Variants in CTNNA3 observed in about 807,000 individuals in gnomAD.
CTNNA3 encodes catenin alpha 3.
CTNNA3 carries 76 observed loss-of-function variants against 95.7 expected under a neutral mutation model. The observed-to-expected ratio is 0.79, with a 90% CI of 0.66 to 0.96. The LOEUF (loss-of-function observed/expected upper bound fraction) is 0.96, where lower values mean the gene tolerates loss of function less well. CTNNA3 is among the 40% of genes least tolerant of loss of function. The pLI is 0.00. For missense variants in CTNNA3, 1,191 were observed against 1,089.8 expected (o/e 1.09, Z -1.31); for synonymous variants, 431 against 374.4 (o/e 1.15, Z -1.74).
At chr10:66,064,791 A>G (rs578137463) in intron 15 of CTNNA3, among the ~76,000 whole-genome samples, 1 of 152,324 alleles carries the variant, frequency 6.6e-6, no homozygotes, top group Non-Finnish European at 1.5e-5. Context: ...CAAGACTTTC[A>G]CAAAGTAAGC....
chr10:67,478,968 T>C (rs1441865493), intron 5 of CTNNA3, among the ~76,000 whole-genome samples: 2 of 152,032 alleles, frequency 1.3e-5, no homozygotes, highest in East Asian at 3.9e-4. Flanking sequence ...GGAGTTGGTA[T>C]TCTTTTATCA....
At chr10:66,104,080 A>G (rs1275541817) in intron 13 of CTNNA3, among the ~76,000 whole-genome samples, 1 of 152,214 alleles carries the variant, frequency 6.6e-6, no homozygotes, top group African/African-American at 2.4e-5. Context: ...TCAAGAAATT[A>G]AAATTTTAGG....
chr10:67,710,736 G>A (rs74739793), intron 1 of CTNNA3, among the ~76,000 whole-genome samples: 1 of 152,104 alleles, frequency 6.6e-6, no homozygotes, highest in Admixed American at 6.5e-5. Flanking sequence ...CCTCTTTGTG[G>A]AAAGTCTGGT....
At chr10:65,974,964 A>C (rs1330621682) in intron 16 of CTNNA3, among the ~76,000 whole-genome samples, 1 of 152,196 alleles carries the variant, frequency 6.6e-6, no homozygotes, top group Non-Finnish European at 1.5e-5. Flanking sequence ...TAGGATGAAC[A>C]ACCAGAAAAC....
rs145263453 is a variant in CTNNA3 at position 66,048,722 on chromosome 10, C to T, written c.2159+20586G>A. 1.1e-3 allele frequency among the ~76,000 whole-genome samples: 163 copies of T among 152,246 alleles called. 1 individual carries two copies. The East Asian group carries it at 0.03, about 28-fold the overall frequency. The stretch of plus-strand genomic sequence containing the variant: ...CTTGCAGTGAGCCAAGATCGTGCCA[C>T]TGCACTCCAGTCTGGGCGGCAGAGC... On this transcript the variant is annotated intron_variant, in intron 15 of 17. Transcript: ENST00000433211.
chr10:66,487,222 G>A (rs1381231365), intron 11 of CTNNA3, among the ~76,000 whole-genome samples: 1 of 75,622 alleles, frequency 1.3e-5, no homozygotes, highest in Admixed American at 2.1e-4. Flanking sequence ...TTTTTTTTGA[G>A]ACGGAATCTC....
At chr10:67,076,807 T>C (rs989875037) in intron 7 of CTNNA3, among the ~76,000 whole-genome samples, 2 of 152,106 alleles carry the variant, frequency 1.3e-5, no homozygotes, top group Non-Finnish European at 2.9e-5. Context: ...TTTAGAAAAA[T>C]GCTCTACTGA....
intron 9 of CTNNA3, among the ~76,000 whole-genome samples, chr10:66,729,830 C>A (rs1564644411): frequency 6.6e-6 from 1 of 152,068 alleles, no homozygotes; most frequent in Admixed American, 6.6e-5. Context: ...ATAGGCCAGG[C>A]GTGGTGGCTC....
intron 14 of CTNNA3, among the ~76,000 whole-genome samples, chr10:66,096,311 C>T (rs2081383331): frequency 6.6e-6 from 1 of 152,006 alleles, no homozygotes; most frequent in African/African-American, 2.4e-5. Flanking sequence ...TCAAGTTGTA[C>T]AGGCGGAGGA....
intron 11 of CTNNA3, among the ~76,000 whole-genome samples, chr10:66,437,942 T>C (rs1246485403): frequency 6.6e-6 from 1 of 152,200 alleles, no homozygotes; most frequent in Admixed American, 6.5e-5. Context: ...GTTTTCCTTC[T>C]AACAGTCAGG....
rs57655171 is a variant in CTNNA3, at chr10:67,266,465, G to T, written c.580-46595C>A. 9.3e-3 allele frequency among the ~76,000 whole-genome samples: 1,412 copies of T among 152,060 alleles called. 25 individuals carry two copies. The highest frequency in any genetic ancestry group is 0.032 in the African/African-American group (1,343 of 41,466). On this transcript the variant is annotated intron_variant, in intron 5 of 17. Transcript: ENST00000433211. ...TGGCATTTTTCCCCCTCTGGCACAA[G>T]ACTGGCAATATTCTAGATAGCAGTT...
intron 5 of CTNNA3, among the ~76,000 whole-genome samples, chr10:67,390,583 C>G (rs1747826354): frequency 1.3e-5 from 2 of 151,164 alleles, no homozygotes; most frequent in Non-Finnish European, 3.0e-5. Flanking sequence ...GATACCAAAG[C>G]CTGGCAGAGA....
intron 9 of CTNNA3, among the ~76,000 whole-genome samples, chr10:66,732,054 C>T (rs942016644): frequency 6.6e-6 from 1 of 152,208 alleles, no homozygotes; most frequent in African/African-American, 2.4e-5. Context: ...AAGTTCATAA[C>T]AGCTGTTTGT....
At chr10:67,338,793 G>T (rs911437401) in intron 5 of CTNNA3, among the ~76,000 whole-genome samples, 1 of 152,120 alleles carries the variant, frequency 6.6e-6, no homozygotes, top group Non-Finnish European at 1.5e-5. Flanking sequence ...TGCCAATCTT[G>T]CTGTAGCCAC....
At chr10:67,117,429 C>G (rs1244172943) in intron 7 of CTNNA3, among the ~76,000 whole-genome samples, 1 of 151,978 alleles carries the variant, frequency 6.6e-6, no homozygotes, top group Non-Finnish European at 1.5e-5. Flanking sequence ...AATAAAATAG[C>G]ATTGAGGAGT....
intron 9 of CTNNA3, among the ~76,000 whole-genome samples, chr10:66,638,812 C>G (rs1845421819): frequency 6.6e-6 from 1 of 151,930 alleles, no homozygotes; most frequent in Non-Finnish European, 1.5e-5. Context: ...ATTCGTTATT[C>G]TTGTCACATA....
chr10:66,736,465 T>A (rs1295640346), intron 9 of CTNNA3, among the ~76,000 whole-genome samples: 3 of 151,890 alleles, frequency 2.0e-5, no homozygotes, highest in African/African-American at 7.3e-5. Context: ...TGTGCTGAGA[T>A]TACAGGAGTG....
intron 12 of CTNNA3, among the ~76,000 whole-genome samples, chr10:66,376,217 A>T (rs1045555464): frequency 1.3e-5 from 2 of 152,222 alleles, no homozygotes; most frequent in African/African-American, 4.8e-5. Context: ...TATAATTTGT[A>T]AGCCTTCACA....
intron 7 of CTNNA3, among the ~76,000 whole-genome samples, chr10:67,126,260 G>T (rs544498478): frequency 6.6e-6 from 1 of 152,332 alleles, no homozygotes; most frequent in Non-Finnish European, 1.5e-5. Flanking sequence ...CAGGCGTGGT[G>T]GCTCACGCCT....
Sources: gnomAD v4.1 joint callset for allele counts (sites outside exome capture counted in the v4.1 genomes callset) on GRCh38, gnomAD v4.1.1 for gene constraint, MANE v1.5 for transcripts, NCBI Gene and HGNC (gene_info 2026-07-23, HGNC 2026-07-21) for gene names.